ROBO2: variants seen among roughly 807,000 people sequenced by gnomAD.
ROBO2 encodes the protein roundabout guidance receptor 2.
A neutral mutation model predicts 160.8 loss-of-function variants in ROBO2; 53 were observed. The ratio of observed to expected loss-of-function variants is 0.33; its 90% CI spans 0.26 to 0.41. The LOEUF is 0.41. Among genes scored for constraint, ROBO2 ranks in the 10% least tolerant of loss-of-function variants. The pLI, the probability that ROBO2 is intolerant of heterozygous loss-of-function variation, is 1.00. For synonymous variants in ROBO2, 664 were observed against 611.7 expected (o/e 1.09, Z -1.26); for missense variants, 1,577 against 1,722.4 (o/e 0.92, Z 1.49).
intron 2 of ROBO2, among the ~76,000 whole-genome samples, chr3:76,561,672 G>A (rs1052460130): frequency 1.3e-5 from 2 of 152,180 alleles, no homozygotes; most frequent in African/African-American, 4.8e-5. Context: ...AAAGCATTCT[G>A]ATGTGACTGG....
chr3:76,186,523 T>TTC (rs10662209), intron 2 of ROBO2, among the ~76,000 whole-genome samples: 148,194 of 152,012 alleles, frequency 0.97, 72,354 homozygotes, highest in South Asian at 1. Context: ...GTATCTGTTT[T>TTC]TCTCACAAGA....
At chr3:76,942,627 A>G (rs960369832) in intron 2 of ROBO2, among the ~76,000 whole-genome samples, 1 of 152,170 alleles carries the variant, frequency 6.6e-6, no homozygotes, top group African/African-American at 2.4e-5. Context: ...CCTTGACTGT[A>G]GGGAAAAGGC....
At chr3:77,518,163 C>T (rs926539617) in intron 5 of ROBO2, among the ~76,000 whole-genome samples, 4 of 151,396 alleles carry the variant, frequency 2.6e-5, no homozygotes, top group African/African-American at 9.7e-5. Flanking sequence ...AGAAGATCTT[C>T]TAATAGAGAT....
chr3:76,077,351 T>C (rs1269385120), intron 2 of ROBO2, among the ~76,000 whole-genome samples: 1 of 152,084 alleles, frequency 6.6e-6, no homozygotes, highest in Non-Finnish European at 1.5e-5. Context: ...TCACTTGAGG[T>C]CAGGAGTTCG....
chr3:76,251,885 C>T (rs1706026530), intron 2 of ROBO2, among the ~76,000 whole-genome samples: 1 of 151,928 alleles, frequency 6.6e-6, no homozygotes, highest in Admixed American at 6.6e-5. Context: ...TAGCAGGCAC[C>T]ATTATAGGCC....
chr3:75,944,185 CAT>C (rs1948179603), intron 2 of ROBO2, among the ~76,000 whole-genome samples: 1 of 152,112 alleles, frequency 6.6e-6, no homozygotes, highest in Non-Finnish European at 1.5e-5. Context: ...TGATCAGTCT[CAT>C]AACCATCTCC....
chr3:76,054,495 T>G (rs1018416856), intron 2 of ROBO2, among the ~76,000 whole-genome samples: 1 of 152,314 alleles, frequency 6.6e-6, no homozygotes, highest in Admixed American at 6.5e-5. Context: ...CATTTTTCTA[T>G]CCAGCCAAAA....
chr3:77,046,646 C>G (rs2149660810), intron 1 of ROBO2, among the ~76,000 whole-genome samples: 1 of 152,300 alleles, frequency 6.6e-6, no homozygotes. Context: ...GATGCTTCAT[C>G]TCTGTACCAG....
chr3:77,239,579 T>C (rs1479044994), intron 2 of ROBO2, among the ~76,000 whole-genome samples: 1 of 152,224 alleles, frequency 6.6e-6, no homozygotes, highest in Non-Finnish European at 1.5e-5. Context: ...CACATCTTGC[T>C]GACTGGCCCA....
At chr3:76,813,496 T>C (rs973633344) in intron 2 of ROBO2, among the ~76,000 whole-genome samples, 1 of 152,256 alleles carries the variant, frequency 6.6e-6, no homozygotes, top group Non-Finnish European at 1.5e-5. Context: ...TATGCTGCCT[T>C]TTTGCTTTAA....
At chr3:76,925,223 A>AAAAAT (rs1553693970) in intron 2 of ROBO2, among the ~76,000 whole-genome samples, 1 of 89,326 alleles carries the variant, frequency 1.1e-5, no homozygotes, top group Non-Finnish European at 2.4e-5. Context: ...AAAAAAAAAA[A>AAAAAT]AAAAAAAATC....
intron 2 of ROBO2, among the ~76,000 whole-genome samples, chr3:76,096,067 A>G (rs2069439288): frequency 6.6e-6 from 1 of 152,160 alleles, no homozygotes; most frequent in South Asian, 2.1e-4. Flanking sequence ...GGAGATAAAA[A>G]GAACCCATAT....
At chr3:77,454,832 T>C (rs796649034) in intron 2 of ROBO2, among the ~76,000 whole-genome samples, 7 of 152,330 alleles carry the variant, frequency 4.6e-5, no homozygotes, top group African/African-American at 1.4e-4. Context: ...GTTGACATAA[T>C]GCTAAGATCA....
intron 2 of ROBO2, among the ~76,000 whole-genome samples, chr3:77,331,353 A>G (rs1198640105): frequency 6.6e-6 from 1 of 152,114 alleles, no homozygotes; most frequent in Non-Finnish European, 1.5e-5. Flanking sequence ...TAATGAGGAG[A>G]TGTGAAGCCT....
At chr3:76,051,269 C>CATGTA (rs2067646402) in intron 2 of ROBO2, among the ~76,000 whole-genome samples, 1 of 82,776 alleles carries the variant, frequency 1.2e-5, no homozygotes, top group African/African-American at 6.2e-5. Flanking sequence ...TTTGATATGT[C>CATGTA]ACTATGGTCA....
rs1016255347 is a variant in ROBO2 at position 77,438,446 on chromosome 3, C to T, written c.389-38968C>T. Among the ~76,000 whole-genome samples, 11 of 151,478 alleles carry T rather than the reference C, an allele frequency of 7.3e-5. No individual in the cohort carries two copies. In the East Asian group the frequency reaches 1.6e-3, roughly 21 times the overall value. On this transcript the variant is annotated intron_variant, in intron 2 of 25. Transcript: ENST00000461745. ...ATGGAAAGAGAGTGAGCATACCCAA[C>T]CTACGAGAGAGAGCAGGTTTGCCAG...
chr3:77,014,835 A>G (rs978403364), intron 2 of ROBO2, among the ~76,000 whole-genome samples: 2 of 152,174 alleles, frequency 1.3e-5, no homozygotes, highest in African/African-American at 2.4e-5. Context: ...GTTTCATTTA[A>G]CATCTGCCCT....
chr3:76,577,959 TTCA>T (rs1355739270), intron 2 of ROBO2, among the ~76,000 whole-genome samples: 4 of 152,286 alleles, frequency 2.6e-5, no homozygotes, highest in Non-Finnish European at 4.4e-5. Flanking sequence ...TCCCATGCAC[TTCA>T]TCTGTTGTTT....
Position 76,984,640 on chromosome 3 carries a change from G to A in ROBO2, c.110-113374G>A, listed in dbSNP as rs563082028. On this transcript the variant is annotated intron_variant, in intron 2 of 26. Transcript: ENST00000487694. ...TTTGAAAGATACATGGAAACGTGGT[G>A]GGAAGCCCTGGATCTAAAACTAACA... Among the ~76,000 whole-genome samples, 3 of 152,064 alleles carry A rather than the reference G, an allele frequency of 2.0e-5. No individual in the cohort carries two copies. In the East Asian group the frequency reaches 5.8e-4, roughly 30 times the overall value.
Sources: gnomAD v4.1 joint callset for allele counts (sites outside exome capture counted in the v4.1 genomes callset) on GRCh38, gnomAD v4.1.1 for gene constraint, MANE v1.5 for transcripts, NCBI Gene and HGNC (gene_info 2026-07-23, HGNC 2026-07-21) for gene names.